TTN: variants seen among roughly 807,000 people sequenced by gnomAD.
TTN encodes titin, also known as connectin.
TTN carries 1,525 observed loss-of-function variants against 3,223.0 expected under a neutral mutation model. The observed-to-expected ratio is 0.47, with a 90% CI of 0.45 to 0.49. TTN has a LOEUF of 0.49. TTN is among the 20% of genes least tolerant of loss of function. The pLI, the probability that TTN is intolerant of heterozygous loss-of-function variation, is 0.00. For synonymous variants in TTN, 14,094 were observed against 15,161.0 expected, an observed-to-expected ratio of 0.93 and a Z score of 5.17; for missense variants, 40,786 against 43,424.0, an observed-to-expected ratio of 0.94 and a Z score of 5.40.
rs534613934 is a variant in TTN at position 178,534,662 on chromosome 2, C to G, written c.101953G>C (p.Glu33985Gln). The G allele has an allele frequency of 2.2e-5, 35 of 1,613,746 alleles. No individual in the cohort carries two copies. The highest frequency in any genetic ancestry group is 4.2e-6 in the Non-Finnish European group (5 of 1,179,712). Residue 33985 changes from glutamate (E) to glutamine (Q), a missense_variant, in exon 358 of 363, where the codon GAA becomes CAA. By Grantham distance (29) the Glu-to-Gln change is conservative. Transcript: ENST00000589042. ...LFTAPEYYAP[E>Q]VHQHDVVSTA... ...CTGACAACATCATGCTGGTGGACTT[C>G]AGGTGCATAGTATTCTGGGGCAGTG... is the stretch of plus-strand genomic sequence containing the variant.
Position 178,633,064 on chromosome 2 carries a change from G to T in TTN, c.43087-20C>A. 1 of 1,607,812 alleles carries T rather than the reference G, an allele frequency of 6.2e-7. No homozygotes were observed. The highest frequency in any genetic ancestry group is 8.5e-7 in the Non-Finnish European group (1 of 1,177,388). On this transcript the variant is annotated intron_variant, in intron 233 of 362. Coordinates refer to ENST00000589042, the MANE Select transcript of TTN (RefSeq NM_001267550.2). Reference sequence around the variant, plus strand: ...ACAGTCCTGTTTGGAGTGAGGGTTAGAAGGAAAGAAAGAACATCATTTATA... The same window carrying T: ...ACAGTCCTGTTTGGAGTGAGGGTTATAAGGAAAGAAAGAACATCATTTATA...
rs752111827 is a variant in TTN, at chr2:178,641,240, C to T, written c.40633+1G>A. On this transcript the variant is annotated splice_donor_variant, in intron 220 of 362. Transcript: ENST00000589042. LOFTEE classifies it high-confidence loss of function. ...TTACAAATTGTCACTGAGATTCCTACCTGCAGGTTTTTTAACTTTTTCTAG... is the reference window on the plus strand; with the variant it reads ...TTACAAATTGTCACTGAGATTCCTATCTGCAGGTTTTTTAACTTTTTCTAG... 2 of 1,501,456 alleles carry T rather than the reference C, an allele frequency of 1.3e-6. No individual in the cohort carries two copies. The highest frequency in any genetic ancestry group is 1.3e-5 in the South Asian group (1 of 77,106). The allele number at this position is 1,501,456 out of a possible 1,614,324, so 93.0% of individuals were successfully genotyped here. A position where few individuals can be genotyped will look rare whatever the true frequency, so the allele number is the denominator to read the frequency against.
At position 178,790,765 on chromosome 2, in the gene TTN, C is replaced by T. The variant is rs138560523; in HGVS notation, c.1743G>A (p.Pro581=). 259 of 1,613,978 alleles carry T rather than the reference C, an allele frequency of 1.6e-4. 1 individual carries two copies. The highest frequency in any genetic ancestry group is 2.0e-4 in the Non-Finnish European group (241 of 1,180,004). Residue 581 remains proline (P), a synonymous_variant, in exon 11 of 363, where the codon CCG becomes CCA. Coordinates refer to ENST00000589042, the MANE Select transcript of TTN (RefSeq NM_001267550.2). Reference sequence around the variant, plus strand: ...GTGTGGTAGTTTCTTCTTGAGCTCCCGGGACTGTTTCTAGTTTTGTGGACT... The same window carrying T: ...GTGTGGTAGTTTCTTCTTGAGCTCCTGGGACTGTTTCTAGTTTTGTGGACT... ...TAKSTKLETV[P]GAQEETTTQQ... is the part of the protein sequence containing the mutation.
In TTN at chr2:178,566,851, G is replaced by A. The variant is rs766994654; in HGVS notation, c.79281C>T (p.Asp26427=). The change falls in exon 326 of 363, where the codon GAC becomes GAT. Residue 26427 remains aspartate (D), a synonymous_variant. Transcript: ENST00000589042. The part of the protein sequence containing the change: ...EIIGYIVEKR[D]RSGIRWIKCN... The stretch of plus-strand genomic sequence containing the variant: ...ATTTTATCCATCGAATGCCACTTCT[G>A]TCTCTTTTCTCTACAATGTAACCAA... 2.0e-5 allele frequency: 33 copies of A among 1,613,278 alleles called. No homozygotes were observed. In the South Asian group the frequency reaches 3.4e-4, roughly 17 times the overall value.
At position 178,781,145 on chromosome 2, in the gene TTN, C is replaced by T. The variant is rs1248484876; in HGVS notation, c.3499G>A (p.Ala1167Thr). Residue 1167 changes from alanine (A) to threonine (T), a missense_variant, in exon 21 of 363, where the codon GCA becomes ACA. Ala to Thr is a moderately conservative substitution (Grantham distance 58, BLOSUM62 0). Transcript: ENST00000589042. ...VVRNKHGETS[A>T]SASLLEEADY... ...CCTTCTTCAAGCAAGGAAGCAGATG[C>T]AGAAGTTTCTCCATGCTTATTGCGA... is the stretch of plus-strand genomic sequence containing the variant. 6.2e-7 allele frequency: 1 copy of T among 1,613,874 alleles called. No individual in the cohort carries two copies. The highest frequency in any genetic ancestry group is 8.5e-7 in the Non-Finnish European group (1 of 1,179,954).
Position 178,550,195 on chromosome 2 carries a change from G to A in TTN, c.91643C>T (p.Ala30548Val), listed in dbSNP as rs553668520. ...AGGCACTGGTCTTCCTTGTACCAAA[G>A]CTTTAATTCTAAGGCTCTCTCCGGA... Reference protein sequence around the residue: ...IKSGESLRIKALVQGRPVPRV... With the variant: ...IKSGESLRIKVLVQGRPVPRV... Residue 30548 changes from alanine to valine, a missense_variant, in exon 337 of 363, where the codon GCT (alanine) becomes GTT (valine). Transcript: ENST00000589042. 648 of 1,613,684 alleles carry A rather than the reference G, an allele frequency of 4.0e-4. 1 individual carries two copies. The South Asian group carries it at 6.5e-3, about 16-fold the overall frequency.
At position 178,646,671 on chromosome 2, in the gene TTN, A is replaced by G. The variant is rs1163062885; in HGVS notation, c.40223-112T>C. The G allele has an allele frequency of 6.6e-6, 4 of 608,092 alleles. No homozygotes were observed. The African/African-American group carries it at 7.4e-5, about 11-fold the overall frequency. 37.7% of individuals were successfully genotyped at this position (608,092 alleles called of 1,614,324 possible). On this transcript the variant is annotated intron_variant, in intron 215 of 362. Coordinates refer to ENST00000589042, the MANE Select transcript of TTN (RefSeq NM_001267550.2). ...TACAGTCACAAAATAAAAATATACA[A>G]TTCATACAAATTCATGTATAGAAAA...
In TTN at chr2:178,564,342, T is replaced by G; in HGVS notation, c.81790A>C (p.Ile27264Leu). ...FSEPSDSSGA[I>L]TARDEIDAPN... ...GCATCAATTTCATCTCTTGCAGTAA[T>G]GGCACCACTACTATCAGATGGTTCA... is the stretch of plus-strand genomic sequence containing the variant. The change falls in exon 326 of 363, where the codon ATT (isoleucine) becomes CTT (leucine). Residue 27264 changes from isoleucine (I) to leucine (L), a missense_variant. Ile to Leu is a conservative substitution (Grantham distance 5). Transcript: ENST00000589042. The G allele has an allele frequency of 6.2e-7, 1 of 1,613,758 alleles. No homozygotes were observed. Among genetic ancestry groups the G allele is most frequent in the South Asian group, 1.1e-5 (1 of 91,080 alleles).
At chr2:178,769,044 G>T in intron 37 of TTN, 111 bp from the exon 38 acceptor site, 2 of 1,236,252 alleles carry the variant, frequency 1.6e-6, no homozygotes, top group Non-Finnish European at 2.3e-6. Flanking sequence ...CTGTTGAGGA[G>T]ATTACAGTTT....
At position 178,542,248 on chromosome 2, in the gene TTN, G is replaced by A. The variant is rs1474635989; in HGVS notation, c.97492+16C>T. 3 of 1,592,316 alleles carry A rather than the reference G, an allele frequency of 1.9e-6. No individual in the cohort carries two copies. The highest frequency in any genetic ancestry group is 1.7e-5 in the Admixed American group (1 of 58,530). On this transcript the variant is annotated intron_variant, in intron 349 of 362. Transcript: ENST00000589042. ...ATCAGAGGTGGGGAGAGTGGTGGAA[G>A]GGCCTGTGGACTTACGGATGCTGCT...
chr2:178,675,546 G>C, intron 149 of TTN, 125 bp downstream of exon 149: 1 of 764,410 alleles, frequency 1.3e-6, no homozygotes. Context: ...GTGCAAAAGA[G>C]TCAGAAATGA....
At position 178,573,350 on chromosome 2, in the gene TTN, C is replaced by T. The variant is rs142874389; in HGVS notation, c.72782G>A (p.Arg24261Gln). Residue 24261 changes from arginine (R) to glutamine (Q), a missense_variant, in exon 326 of 363, where the codon CGG becomes CAG. Transcript: ENST00000589042. ...CCAGCGTTGGCCAGCTTTATCACGC[C>T]GTTCCACAATATAATTGATGATTTC... ...GSEIINYIVE[R>Q]RDKAGQRWIK... is the part of the protein sequence containing the mutation. 500 of 1,535,896 alleles carry T rather than the reference C, an allele frequency of 3.3e-4. 1 individual carries two copies. In the African/African-American group the frequency reaches 4.6e-3, roughly 14 times the overall value.
Position 178,579,370 on chromosome 2 carries a change from C to T in TTN, c.67660G>A (p.Gly22554Ser), listed in dbSNP as rs769525101. Residue 22554 changes from glycine (G) to serine (S), a missense_variant, in exon 320 of 363, where the codon GGT (glycine) becomes AGT (serine). Physicochemically the swap from Gly to Ser is moderately conservative, Grantham distance 56. Coordinates refer to ENST00000589042, the MANE Select transcript of TTN (RefSeq NM_001267550.2). The stretch of plus-strand genomic sequence containing the variant: ...GCCAAGTAGCACAAATCAGGTAGAC[C>T]CTTTAAGTCAAGATCAGGAGCCACT... The part of the protein sequence containing the change: ...DVVAPDLDLK[G>S]LPDLCYLAKE... 2 of 1,580,110 alleles carry T rather than the reference C, an allele frequency of 1.3e-6. No homozygotes were observed. The highest frequency in any genetic ancestry group is 1.8e-5 in the Admixed American group (1 of 55,234).
chr2:178,574,497 C>G lies in TTN; in HGVS notation c.71635G>C (p.Ala23879Pro), dbSNP rs778238304. The change falls in exon 326 of 363, where the codon GCT (alanine) becomes CCT (proline). Residue 23879 changes from alanine (A) to proline (P), a missense_variant. By Grantham distance (27) the Ala-to-Pro change is conservative. Coordinates refer to ENST00000589042, the MANE Select transcript of TTN (RefSeq NM_001267550.2). The stretch of plus-strand genomic sequence containing the variant: ...TTGAAAATGTTGCCTGGTACTAAAG[C>G]TTTGCTCACAGTCTGCCAGAGAATA... The part of the protein sequence containing the change: ...NGILWQTVSK[A>P]LVPGNIFKSS... The G allele has an allele frequency of 1.9e-6, 3 of 1,613,672 alleles. No individual in the cohort carries two copies. The highest frequency in any genetic ancestry group is 1.7e-6 in the Non-Finnish European group (2 of 1,179,648).
Position 178,774,256 on chromosome 2 carries a change from G to A in TTN, c.7008C>T (p.Tyr2336=). ...KDVTKEDQGE[Y]SFVIDGKKTT... ...TCTTTTTCCCGTCGATGACAAAGCTGTATTCTCCCTGGTCCTCCTTGGTTA... is the reference window on the plus strand; with the variant it reads ...TCTTTTTCCCGTCGATGACAAAGCTATATTCTCCCTGGTCCTCCTTGGTTA... Residue 2336 remains tyrosine (Y), a synonymous_variant, in exon 30 of 363, where the codon TAC becomes TAT. Transcript: ENST00000589042. The A allele has an allele frequency of 1.2e-6, 2 of 1,614,098 alleles. No individual in the cohort carries two copies. Among genetic ancestry groups the A allele is most frequent in the Non-Finnish European group, 1.7e-6 (2 of 1,179,990 alleles).
chr2:178,711,130 C>T lies in TTN; in HGVS notation c.28106G>A (p.Gly9369Asp). 6.2e-7 allele frequency: 1 copy of T among 1,613,732 alleles called. No homozygotes were observed. The highest frequency in any genetic ancestry group is 8.5e-7 in the Non-Finnish European group (1 of 1,179,722). ...NIFKTDRSLA[G>D]QYSCTATNPI... ...GTTTGTAGCTGTGCAGGAATACTGGCCTGCAAGGCTCCGGTCAGTTTTAAA... is the reference window on the plus strand; with the variant it reads ...GTTTGTAGCTGTGCAGGAATACTGGTCTGCAAGGCTCCGGTCAGTTTTAAA... The change falls in exon 97 of 363, where the codon GGC becomes GAC. Residue 9369 changes from glycine to aspartate, a missense_variant. By Grantham distance (94) the Gly-to-Asp change is moderately conservative. Transcript: ENST00000589042.
intron 3 of TTN, among the ~76,000 whole-genome samples, chr2:178,801,734 A>T (rs978024557): frequency 1.4e-4 from 21 of 152,190 alleles, no homozygotes; most frequent in African/African-American, 4.8e-4. Context: ...TGGTCTGTAG[A>T]CTACCGGCAT....
Position 178,713,330 on chromosome 2 carries a change from G to C in TTN, c.26804C>G (p.Thr8935Arg), listed in dbSNP as rs571245328. ...PPSFTRKLKE[T>R]NGLSGSSVVM... Reference sequence around the variant, plus strand: ...AACTGAGGAGCCGGATAGACCATTTGTCTCTTTCAATTTTCTTGTGAATGA... The same window carrying C: ...AACTGAGGAGCCGGATAGACCATTTCTCTCTTTCAATTTTCTTGTGAATGA... The change falls in exon 93 of 363, where the codon ACA (threonine) becomes AGA (arginine). Residue 8935 changes from threonine to arginine, a missense_variant. Coordinates refer to ENST00000589042, the MANE Select transcript of TTN (RefSeq NM_001267550.2). 15 of 1,563,960 alleles carry C rather than the reference G, an allele frequency of 9.6e-6. No individual in the cohort carries two copies. The highest frequency in any genetic ancestry group is 1.3e-5 in the Non-Finnish European group (15 of 1,152,418).
At position 178,555,036 on chromosome 2, in the gene TTN, A is replaced by G. The variant is rs1226553823; in HGVS notation, c.88423T>C (p.Tyr29475His). ...GTTTGTAATTCTTTATCATCTTTAT[A>G]CCACTCAATAGTAGGCGCAGGTTTG... ...SGKPAPTIEW[Y>H]KDDKELQTNA... The change falls in exon 331 of 363, where the codon TAT becomes CAT. Residue 29475 changes from tyrosine (Y) to histidine (H), a missense_variant. Tyr to His is a moderately conservative substitution (Grantham distance 83). Transcript: ENST00000589042. 8.7e-6 allele frequency: 14 copies of G among 1,613,758 alleles called. No homozygotes were observed. Among genetic ancestry groups the G allele is most frequent in the Non-Finnish European group, 1.2e-5 (14 of 1,179,818 alleles).
Sources: allele counts gnomAD v4.1 joint callset (sites outside exome capture counted in the v4.1 genomes callset), GRCh38; gene constraint gnomAD v4.1.1; transcripts MANE v1.5; gene names NCBI Gene and HGNC (gene_info 2026-07-23, HGNC 2026-07-21).